Variants in PPP2R5C observed in about 807,000 individuals in gnomAD.
The protein encoded by PPP2R5C is serine/threonine-protein phosphatase 2A 56 kDa regulatory subunit gamma isoform.
PPP2R5C carries 7 observed loss-of-function variants against 68.9 expected under a neutral mutation model. The ratio of observed to expected loss-of-function variants is 0.10; its 90% CI spans 0.06 to 0.19. PPP2R5C has a LOEUF of 0.19. PPP2R5C is among the 10% of genes least tolerant of loss of function. PPP2R5C has a pLI of 1.00. For missense variants in PPP2R5C, 348 were observed against 641.3 expected (o/e 0.54, Z 4.94); for synonymous variants, 210 against 222.2 (o/e 0.95, Z 0.49).
chr14:101,868,077 T>C (rs1439115294), intron 2 of PPP2R5C, among the ~76,000 whole-genome samples: 1 of 152,204 alleles, frequency 6.6e-6, no homozygotes, highest in African/African-American at 2.4e-5. Context: ...TTTTTATAGC[T>C]GATATTTACA....
chr14:101,780,705 C>T (rs2037635406), intron 2 of PPP2R5C, among the ~76,000 whole-genome samples: 1 of 152,220 alleles, frequency 6.6e-6, no homozygotes, highest in Admixed American at 6.5e-5. Flanking sequence ...CAGGTTCAGG[C>T]TGGACTTTCC....
At chr14:101,925,489 TCCTCGCAGTGTCGCCGCCA>T in exon 14 of PPP2R5C, 1 of 728,838 alleles carries the variant, frequency 1.4e-6, no homozygotes, top group Non-Finnish European at 2.1e-6. Context: ...GACGACGGTG[TCCTCGCAGTGTCGCCGCCA>T]CCCCAGCGTA....
chr14:101,829,692 A>C (rs2040618518), intron 1 of PPP2R5C, among the ~76,000 whole-genome samples: 1 of 152,160 alleles, frequency 6.6e-6, no homozygotes, highest in South Asian at 2.1e-4. Context: ...GTGTTTAGAC[A>C]GTTTTCCATG....
At chr14:101,886,817 ACCC>A (rs1455642121) in intron 5 of PPP2R5C, among the ~76,000 whole-genome samples, 1 of 152,022 alleles carries the variant, frequency 6.6e-6, no homozygotes, top group Non-Finnish European at 1.5e-5. Context: ...GCAGCCTCAA[ACCC>A]CTGGGCTTAA....
At chr14:101,816,868 ATT>A (rs1491330065) in intron 1 of PPP2R5C, among the ~76,000 whole-genome samples, 3 of 140,638 alleles carry the variant, frequency 2.1e-5, no homozygotes, top group African/African-American at 2.7e-5. Context: ...ATATATATTT[ATT>A]TATATATATA....
At chr14:101,872,848 C>CCTTT (rs1168160812) in intron 2 of PPP2R5C, among the ~76,000 whole-genome samples, 2 of 151,450 alleles carry the variant, frequency 1.3e-5, no homozygotes, top group African/African-American at 4.8e-5. Context: ...GTCCCATGAC[C>CCTTT]CTTTCTCTCC....
chr14:101,763,034 C>T, intron 2 of PPP2R5C, 64 bp downstream of exon 2: 8 of 1,380,734 alleles, frequency 5.8e-6, no homozygotes, highest in Middle Eastern at 1.8e-4. Context: ...GTAGAAAAAC[C>T]GAGAGTGATA....
At chr14:101,927,162 T>G (rs979807944) in exon 14 of PPP2R5C, 2 of 152,186 alleles carry the variant, frequency 1.3e-5, no homozygotes, top group Non-Finnish European at 2.9e-5. Context: ...TCAGTATGTT[T>G]GTGAGAGAGG....
intron 2 of PPP2R5C, among the ~76,000 whole-genome samples, chr14:101,871,230 T>G (rs755097118): frequency 0.089 from 11,353 of 128,260 alleles, 468 homozygotes; most frequent in Middle Eastern, 0.15. Context: ...TTTTGGTTTT[T>G]GTTGTTGTTG....
chr14:101,862,933 C>T (rs186015332), intron 2 of PPP2R5C, among the ~76,000 whole-genome samples: 6 of 151,920 alleles, frequency 3.9e-5, no homozygotes, highest in Non-Finnish European at 8.8e-5. Flanking sequence ...AATCCTCCCC[C>T]TCCCCCTGCC....
In PPP2R5C at chr14:101,906,792, TC is replaced by T; in HGVS notation, c.1151+265del. ...CAGTAGCAGCAGTTTCTAGGCCTCTTCCTGAGCGTCCTGCAGAGAAGCTGAA... is the reference window on the plus strand; with the variant it reads ...CAGTAGCAGCAGTTTCTAGGCCTCTTCTGAGCGTCCTGCAGAGAAGCTGAA... On this transcript the variant is annotated intron_variant, in intron 10 of 13. Coordinates refer to ENST00000334743, the Ensembl canonical transcript of PPP2R5C. This position sits in a 1 kb window ranked among gnomAD's most constrained non-coding sequence, Gnocchi z 4.0. 1 of 417,540 alleles carries T rather than the reference TC, an allele frequency of 2.4e-6. No individual in the cohort carries two copies. Among genetic ancestry groups the T allele is most frequent in the Non-Finnish European group, 4.3e-6 (1 of 233,726 alleles). 25.9% of individuals were successfully genotyped at this position (417,540 alleles called of 1,614,324 possible).
At position 101,847,329 on chromosome 14, in the gene PPP2R5C, T is replaced by G. The variant is rs572061373; in HGVS notation, c.95-9357T>G. On this transcript the variant is annotated intron_variant, in intron 1 of 13. Coordinates refer to ENST00000334743, the Ensembl canonical transcript of PPP2R5C. ...GAGGAAAATTGATTTTCCAGGAGAA[T>G]GCAGCCTGATTAATATCTCCTGTAA... is the stretch of plus-strand genomic sequence containing the variant. Among the ~76,000 whole-genome samples, 5 of 152,344 alleles carry G rather than the reference T, an allele frequency of 3.3e-5. No individual in the cohort carries two copies. In the East Asian group the frequency reaches 9.6e-4, roughly 29 times the overall value.
intron 5 of PPP2R5C, among the ~76,000 whole-genome samples, chr14:101,885,737 T>C (rs2044463619): frequency 6.6e-6 from 1 of 152,238 alleles, no homozygotes; most frequent in South Asian, 2.1e-4. Context: ...TGATGTCACT[T>C]TCCTAAATGT....
In PPP2R5C at chr14:101,909,572, T is replaced by G. The variant is rs764769127; in HGVS notation, c.1152-17T>G. ...GGAATGCGTGCTCCCAGGCTCACCG[T>G]GCGGTTTTCTTTATAGGACAATACA... On this transcript the variant is annotated splice_polypyrimidine_tract_variant and intron_variant, in intron 10 of 13. Transcript: ENST00000334743. 14 of 1,555,176 alleles carry G rather than the reference T, an allele frequency of 9.0e-6. No homozygotes were observed. The highest frequency in any genetic ancestry group is 1.1e-5 in the Non-Finnish European group (12 of 1,127,664).
chr14:101,819,429 C>T (rs376235872), intron 1 of PPP2R5C: 3 of 230,940 alleles, frequency 1.3e-5, no homozygotes, highest in East Asian at 8.5e-5. Flanking sequence ...AGGAATATGG[C>T]GCCTTTCTTT....
At chr14:101,865,333 G>C (rs1017615494) in intron 2 of PPP2R5C, among the ~76,000 whole-genome samples, 2 of 152,238 alleles carry the variant, frequency 1.3e-5, no homozygotes, top group African/African-American at 4.8e-5. Context: ...TCTGTATGCA[G>C]CCTTCCTTCT....
At position 101,888,678 on chromosome 14, in the gene PPP2R5C, A is replaced by G. The variant is rs1417329640; in HGVS notation, c.630-1559A>G. On this transcript the variant is annotated intron_variant, in intron 5 of 13. Transcript: ENST00000334743. The surrounding 1 kb of genome is among the most constrained non-coding windows in gnomAD (Gnocchi z 5.6). The stretch of plus-strand genomic sequence containing the variant: ...GCCATCTCAGCTCACTGCAACCTCC[A>G]TCTTCCAGGTTCAAGTGATCCTCCC... Among the ~76,000 whole-genome samples, 2 of 152,148 alleles carry G rather than the reference A, an allele frequency of 1.3e-5. No homozygotes were observed. The highest frequency in any genetic ancestry group is 2.9e-5 in the Non-Finnish European group (2 of 68,020).
At chr14:101,844,151 T>C (rs1330454719) in intron 1 of PPP2R5C, 2 of 128,550 alleles carry the variant, frequency 1.6e-5, no homozygotes, top group East Asian at 3.8e-4. Flanking sequence ...TGTTTTTTTT[T>C]TTTTTTTGAG....
At position 101,915,615 on chromosome 14, in the gene PPP2R5C, G is replaced by A. The variant is rs1360752483; in HGVS notation, c.1327-2216G>A. On this transcript the variant is annotated intron_variant, in intron 12 of 13. Coordinates refer to ENST00000334743, the Ensembl canonical transcript of PPP2R5C. The surrounding 1 kb of genome is among the most constrained non-coding windows in gnomAD (Gnocchi z 4.2). ...CGTTGGTGTGAAACAGTCCCCGCAA[G>A]TCTCAGGAGTCTTGCAGCCACTTAG... is the stretch of plus-strand genomic sequence containing the variant. Among the ~76,000 whole-genome samples, 1 of 152,220 alleles carries A rather than the reference G, an allele frequency of 6.6e-6. No homozygotes were observed. The highest frequency in any genetic ancestry group is 1.5e-5 in the Non-Finnish European group (1 of 68,046).
Sources: allele counts gnomAD v4.1 joint callset (sites outside exome capture counted in the v4.1 genomes callset), GRCh38; gene constraint gnomAD v4.1.1; non-coding constraint Gnocchi (gnomAD v3.1); transcripts MANE v1.5; gene names NCBI Gene and HGNC (gene_info 2026-07-23, HGNC 2026-07-21).